The following ZFP69 variants were observed in gnomAD, a reference collection of about 807,000 sequenced individuals.
The protein encoded by ZFP69 is zinc finger protein 69 homolog.
Under a neutral mutation model 48.9 loss-of-function variants are expected in ZFP69, and 35 were observed. The observed-to-expected ratio is 0.72, with a 90% CI of 0.55 to 0.95. ZFP69 has a LOEUF of 0.95. ZFP69 is among the 40% of genes least tolerant of loss of function. The probability of loss-of-function intolerance (pLI) is 0.00; values close to 1 mark genes in which losing one functional copy is unlikely to be tolerated. For synonymous variants in ZFP69, 193 were observed against 216.8 expected (o/e 0.89, Z 0.96); for missense variants, 557 against 638.4 (o/e 0.87, Z 1.37).
rs567986369 is a variant in ZFP69 at position 40,485,384 on chromosome 1, T to TA, written c.219+3531dup. Among the ~76,000 whole-genome samples, 316 of 152,292 alleles carry TA rather than the reference T, an allele frequency of 2.1e-3. 2 individuals carry two copies. Among genetic ancestry groups the TA allele is most frequent in the African/African-American group, 7.2e-3 (298 of 41,560 alleles). ...GGCTTCACATATCATATGAAAGACT[T>TA]ACGTTATATTTTCATATACTCCTTC... is the stretch of plus-strand genomic sequence containing the variant. On this transcript the variant is annotated intron_variant, in intron 3 of 5. Transcript: ENST00000372706.
Position 40,481,853 on chromosome 1 carries a change from A to G in ZFP69, c.218A>G (p.Gln73Arg). ...VTPGLPTAES[Q>R]ELLTFKDISI... ...CCTGGACTCCCGACAGCAGAATCCC[A>G]GGTGAGTAGGGATTCATCTCATTTT... The change falls in exon 3 of 6, where the codon CAG becomes CGG. Residue 73 changes from glutamine to arginine, a missense_variant and splice_region_variant. Coordinates refer to ENST00000372706, the MANE Select transcript of ZFP69 (RefSeq NM_001320179.2). 6.2e-7 allele frequency: 1 copy of G among 1,605,220 alleles called. No homozygotes were observed. The highest frequency in any genetic ancestry group is 1.1e-5 in the South Asian group (1 of 90,698).
intron 5 of ZFP69, among the ~76,000 whole-genome samples, chr1:40,490,477 C>T (rs1266646482): frequency 6.6e-6 from 1 of 152,170 alleles, no homozygotes; most frequent in Non-Finnish European, 1.5e-5. Context: ...TTACCCCTTT[C>T]CTTCACTGAG....
chr1:40,490,645 T>C (rs557740030), intron 5 of ZFP69: 3 of 152,362 alleles, frequency 2.0e-5, no homozygotes, highest in African/African-American at 4.8e-5. Context: ...AACCAATCTC[T>C]TTCCAAGACT....
At chr1:40,492,057 C>T (rs949002717) in intron 5 of ZFP69, among the ~76,000 whole-genome samples, 1 of 151,996 alleles carries the variant, frequency 6.6e-6, no homozygotes, top group African/African-American at 2.4e-5. Flanking sequence ...GAGACTGGGT[C>T]TTGCTATGTT....
intron 5 of ZFP69, among the ~76,000 whole-genome samples, chr1:40,490,120 C>G (rs949309239): frequency 2.0e-5 from 3 of 151,872 alleles, no homozygotes; most frequent in African/African-American, 7.3e-5. Flanking sequence ...CCCACCTCGG[C>G]CTTCCAAGGT....
chr1:40,488,234 C>T (rs777748136), intron 3 of ZFP69, among the ~76,000 whole-genome samples: 9 of 152,112 alleles, frequency 5.9e-5, no homozygotes, highest in Middle Eastern at 3.4e-3. Context: ...CAAACCCTTT[C>T]GTCTCTCTGG....
intron 3 of ZFP69, among the ~76,000 whole-genome samples, chr1:40,488,801 C>T (rs1645532592): frequency 6.6e-6 from 1 of 152,146 alleles, no homozygotes; most frequent in Non-Finnish European, 1.5e-5. Context: ...TGTGGTTCTC[C>T]CAATGTCTCT....
At chr1:40,488,773 A>G (rs1019244517) in intron 3 of ZFP69, among the ~76,000 whole-genome samples, 6 of 152,202 alleles carry the variant, frequency 3.9e-5, no homozygotes, top group African/African-American at 7.2e-5. Flanking sequence ...TTTACATAAA[A>G]GATCATCCTA....
In ZFP69 at chr1:40,479,260, G is replaced by A; in HGVS notation, c.-102G>A. 2 of 1,533,966 alleles carry A rather than the reference G, an allele frequency of 1.3e-6. No homozygotes were observed. The highest frequency in any genetic ancestry group is 1.8e-6 in the Non-Finnish European group (2 of 1,117,516). On this transcript the variant is annotated 5_prime_UTR_variant, in exon 2 of 6. It adds an upstream start codon to the 5' untranslated region. Transcript: ENST00000372706. ...GGACACACCAGAGTCCTGAGGGCAGGTGATTGGAATCTGAGCAACACCCCA... is the reference window on the plus strand; with the variant it reads ...GGACACACCAGAGTCCTGAGGGCAGATGATTGGAATCTGAGCAACACCCCA...
intron 1 of ZFP69, among the ~76,000 whole-genome samples, chr1:40,478,718 C>T (rs189787635): frequency 5.8e-4 from 88 of 152,236 alleles, no homozygotes; most frequent in Admixed American, 4.6e-3. Flanking sequence ...TTATTATCTC[C>T]ATTTTATAGA....
intron 5 of ZFP69, among the ~76,000 whole-genome samples, chr1:40,492,915 G>GTA (rs1343781811): frequency 1.3e-5 from 2 of 152,024 alleles, no homozygotes; most frequent in African/African-American, 4.8e-5. Context: ...TCGTGAACAG[G>GTA]TATATTTTTA....
chr1:40,491,639 T>TCC (rs976449970), intron 5 of ZFP69, among the ~76,000 whole-genome samples: 22 of 152,178 alleles, frequency 1.4e-4, no homozygotes, highest in African/African-American at 5.3e-4. Flanking sequence ...TGACCATCCA[T>TCC]CCATCTCTTC....
In ZFP69 at chr1:40,495,044, GAA is replaced by G; in HGVS notation, c.569_570del (p.Lys190SerfsTer5). Reference sequence around the variant, plus strand: ...GATGATATAATTTATTCCACGTTGAGAAAAGTCTCCACATATGATGATGTCTT... The same window carrying G: ...GATGATATAATTTATTCCACGTTGAGAAGTCTCCACATATGATGATGTCTT... On this transcript the variant is annotated frameshift_variant, in exon 6 of 6. Coordinates refer to ENST00000372706, the MANE Select transcript of ZFP69 (RefSeq NM_001320179.2). LOFTEE classifies it high-confidence loss of function. The G allele has an allele frequency of 1.2e-6, 2 of 1,614,000 alleles. No homozygotes were observed. The highest frequency in any genetic ancestry group is 2.2e-5 in the South Asian group (2 of 91,086).
At chr1:40,486,067 C>CTTATT (rs912893257) in intron 3 of ZFP69, among the ~76,000 whole-genome samples, 26 of 151,820 alleles carry the variant, frequency 1.7e-4, no homozygotes, top group South Asian at 1.2e-3. Flanking sequence ...CCACACCCGC[C>CTTATT]TTATTTTATT....
chr1:40,482,720 C>T (rs1016741283), intron 3 of ZFP69, among the ~76,000 whole-genome samples: 2 of 151,984 alleles, frequency 1.3e-5, no homozygotes, highest in Non-Finnish European at 2.9e-5. Context: ...TATTATATCA[C>T]GCAAAGTGGA....
rs201603138 is a variant in ZFP69 at position 40,495,776 on chromosome 1, A to G, written c.1298A>G (p.His433Arg). Residue 433 changes from histidine to arginine, a missense_variant, in exon 6 of 6, where the codon CAT becomes CGT. Transcript: ENST00000372706. The part of the protein sequence containing the change: ...RAYLTHHQRI[H>R]TGERPYKCKE... The stretch of plus-strand genomic sequence containing the variant: ...TATCTAACACATCACCAGAGAATCC[A>G]TACTGGGGAGAGACCCTACAAATGT... The G allele has an allele frequency of 6.2e-7, 1 of 1,614,246 alleles. No homozygotes were observed.
chr1:40,485,277 A>C (rs1645484388), intron 3 of ZFP69, among the ~76,000 whole-genome samples: 1 of 151,836 alleles, frequency 6.6e-6, no homozygotes. Flanking sequence ...ATTCAAAGTA[A>C]CTGTGGAATG....
chr1:40,489,431 C>T lies in ZFP69; in HGVS notation c.347-98C>T. ...GGATAGAAAGACCCACCCCTTTCCA[C>T]TTGTGGAGACCCTGAATACCAGAAG... On this transcript the variant is annotated intron_variant, in intron 4 of 5. Transcript: ENST00000372706. 6 of 1,224,858 alleles carry T rather than the reference C, an allele frequency of 4.9e-6. No homozygotes were observed. In the South Asian group the frequency reaches 8.1e-5, roughly 17 times the overall value. The allele number at this position is 1,224,858 out of a possible 1,614,324, so 75.9% of individuals were successfully genotyped here. A position where few individuals can be genotyped will look rare whatever the true frequency, so the allele number is the denominator to read the frequency against.
intron 2 of ZFP69, among the ~76,000 whole-genome samples, chr1:40,480,107 CTT>C (rs1160414692): frequency 6.6e-6 from 1 of 152,102 alleles, no homozygotes; most frequent in Non-Finnish European, 1.5e-5. Context: ...CAGGCAGGGA[CTT>C]TGGCTAAACA....
Sources: allele counts gnomAD v4.1 joint callset (sites outside exome capture counted in the v4.1 genomes callset), GRCh38; gene constraint gnomAD v4.1.1; transcripts MANE v1.5; gene names NCBI Gene and HGNC (gene_info 2026-07-23, HGNC 2026-07-21).